Variants in EBF4 observed in about 807,000 individuals in gnomAD.
EBF4 encodes the protein EBF transcription factor 4.
In EBF4, 34 loss-of-function variants were observed where a neutral mutation model predicts 67.1. The ratio of observed to expected loss-of-function variants is 0.51; its 90% confidence interval spans 0.39 to 0.67. The LOEUF is 0.67. Among genes scored for constraint, EBF4 ranks in the 30% least tolerant of loss-of-function variants. The pLI is 0.00. For missense variants in EBF4, 837 were observed against 873.3 expected, an observed-to-expected ratio of 0.96 and a Z score of 0.52; for synonymous variants, 387 against 377.7, an observed-to-expected ratio of 1.02 and a Z score of -0.29.
intron 1 of EBF4, among the ~76,000 whole-genome samples, chr20:2,698,580 G>A (rs2087329945): frequency 6.6e-6 from 1 of 152,164 alleles, no homozygotes. Context: ...GGATGTAGAG[G>A]AAAGGGACTG....
At position 2,707,764 on chromosome 20, in the gene EBF4, T is replaced by C. The variant is rs1204329177; in HGVS notation, c.415-183T>C. Among the ~76,000 whole-genome samples the C allele has an allele frequency of 6.6e-6, 1 of 151,954 alleles. No individual in the cohort carries two copies. Among genetic ancestry groups the C allele is most frequent in the African/African-American group, 2.4e-5 (1 of 41,348 alleles). ...TACCATTCTTGCCAGCCGGTGGTGG[T>C]CCGGTTTGGGAGGAGGGGTTATCCC... On this transcript the variant is annotated intron_variant, in intron 4 of 16. Coordinates refer to ENST00000609451, the Ensembl canonical transcript of EBF4. This position sits in a 1 kb window ranked among gnomAD's most constrained non-coding sequence, Gnocchi z 4.6.
intron 6 of EBF4, among the ~76,000 whole-genome samples, chr20:2,725,885 T>A (rs1019587688): frequency 6.6e-6 from 1 of 152,234 alleles, no homozygotes; most frequent in South Asian, 2.1e-4. Context: ...CCCAATTAGA[T>A]TTCAACTCAC....
intron 6 of EBF4, among the ~76,000 whole-genome samples, chr20:2,711,388 T>G (rs2087543513): frequency 6.6e-6 from 1 of 152,190 alleles, no homozygotes; most frequent in Admixed American, 6.5e-5. Flanking sequence ...TTTCATCCCT[T>G]TTCAGGGATT....
At chr20:2,713,550 G>A (rs2087570680) in intron 6 of EBF4, among the ~76,000 whole-genome samples, 1 of 152,146 alleles carries the variant, frequency 6.6e-6, no homozygotes, top group African/African-American at 2.4e-5. Context: ...CATAAATTTG[G>A]TGATAACTTT....
intron 6 of EBF4, among the ~76,000 whole-genome samples, chr20:2,735,264 AG>A (rs1398722195): frequency 1.3e-5 from 2 of 152,186 alleles, no homozygotes; most frequent in East Asian, 3.8e-4. Flanking sequence ...GCTTGTTGAG[AG>A]GCTCCAAACC....
Position 2,755,590 on chromosome 20 carries a change from C to T in EBF4, c.1541-37C>T. The T allele has an allele frequency of 9.3e-7, 1 of 1,070,724 alleles. No individual in the cohort carries two copies. Among genetic ancestry groups the T allele is most frequent in the Non-Finnish European group, 1.4e-6 (1 of 714,532 alleles). 66.3% of individuals were successfully genotyped at this position (1,070,724 alleles called of 1,614,324 possible). A position where few individuals can be genotyped will look rare whatever the true frequency, so the allele number is the denominator to read the frequency against. ...TCCCTGTTGTGTCTCCCACCACCTT[C>T]CCTGCTGCGCCTGCCCCTCCCCGCC... On this transcript the variant is annotated intron_variant, in intron 14 of 16. Coordinates refer to ENST00000609451, the Ensembl canonical transcript of EBF4. The surrounding 1 kb of genome is among the most constrained non-coding windows in gnomAD (Gnocchi z 4.7).
Position 2,747,531 on chromosome 20 carries a change from C to T in EBF4, c.558-1018C>T, listed in dbSNP as rs1013523765. On this transcript the variant is annotated intron_variant, in intron 6 of 16. Coordinates refer to ENST00000609451, the Ensembl canonical transcript of EBF4. This position sits in a 1 kb window ranked among gnomAD's most constrained non-coding sequence, Gnocchi z 4.6. ...CTCTATGTAAAAAAGAAGACATTCA[C>T]GGTGTCTCTGTACCACATGTCTGAC... 6.6e-6 allele frequency among the ~76,000 whole-genome samples: 1 copy of T among 152,102 alleles called. No homozygotes were observed. The highest frequency in any genetic ancestry group is 1.5e-5 in the Non-Finnish European group (1 of 68,032).
chr20:2,755,715 T>C lies in EBF4; in HGVS notation c.1629T>C (p.Pro543=). The C allele has an allele frequency of 6.5e-7, 1 of 1,548,526 alleles. No individual in the cohort carries two copies. The highest frequency in any genetic ancestry group is 8.7e-7 in the Non-Finnish European group (1 of 1,146,162). Reference sequence around the variant, plus strand: ...CCACCAGCGTGTTCTCCTTCTCGCCTGTCAACATGATCTCCGCCGTCAAAC... The same window carrying C: ...CCACCAGCGTGTTCTCCTTCTCGCCCGTCAACATGATCTCCGCCGTCAAAC... Residue 543 remains proline, a synonymous_variant, in exon 15 of 17, where the codon CCT becomes CCC. Transcript: ENST00000609451. The surrounding 1 kb of genome is among the most constrained non-coding windows in gnomAD (Gnocchi z 4.7).
intron 6 of EBF4, among the ~76,000 whole-genome samples, chr20:2,712,446 G>A (rs1270200793): frequency 1.3e-5 from 2 of 152,170 alleles, no homozygotes; most frequent in African/African-American, 4.8e-5. Flanking sequence ...CAAGGTTTCT[G>A]ACCTATCAAC....
chr20:2,709,589 G>A (rs1485697049), exon 6 of EBF4: 2 of 1,556,966 alleles, frequency 1.3e-6, no homozygotes, highest in South Asian at 1.2e-5. Context: ...GCTGTGACCG[G>A]AAGAGCTGTG....
intron 6 of EBF4, among the ~76,000 whole-genome samples, chr20:2,728,035 T>A (rs1407093731): frequency 1.3e-5 from 2 of 152,228 alleles, no homozygotes; most frequent in African/African-American, 4.8e-5. Flanking sequence ...ATTAATTGTG[T>A]CACTTTTATT....
rs368410864 is a variant in EBF4, at chr20:2,735,716, G to A, written c.558-12833G>A. On this transcript the variant is annotated intron_variant, in intron 6 of 16. Transcript: ENST00000609451. ...TCATGAATCAATCAGCACCTGTTGT[G>A]GGGCTGGGACTATGATGGATGCTTG... 1.8e-3 allele frequency among the ~76,000 whole-genome samples: 271 copies of A among 152,258 alleles called. 5 individuals carry two copies. The South Asian group carries it at 0.025, about 14-fold the overall frequency.
chr20:2,740,312 C>CAA (rs145237186), intron 6 of EBF4, among the ~76,000 whole-genome samples: 2 of 149,064 alleles, frequency 1.3e-5, no homozygotes, highest in African/African-American at 2.5e-5. Flanking sequence ...GACTCCGTTT[C>CAA]AAAAAAAAAA....
chr20:2,738,843 AG>A (rs1324180342), intron 6 of EBF4, among the ~76,000 whole-genome samples: 2 of 152,252 alleles, frequency 1.3e-5, no homozygotes, highest in Non-Finnish European at 2.9e-5. Flanking sequence ...AAATGCATGC[AG>A]GGGAACAGAA....
At chr20:2,749,923 A>C (rs972572080) in exon 10 of EBF4, 1 of 1,551,288 alleles carries the variant, frequency 6.4e-7, no homozygotes, top group East Asian at 2.4e-5. Flanking sequence ...ACCCTCTCCT[A>C]CAAGTCCAAG....
exon 2 of EBF4, chr20:2,705,685 C>T (rs754374162): frequency 7.0e-5 from 109 of 1,551,476 alleles, no homozygotes; most frequent in Admixed American, 3.1e-4. Flanking sequence ...AGGGGCAGCC[C>T]GTGGAGGTGG....
intron 14 of EBF4, among the ~76,000 whole-genome samples, 180 bp downstream of exon 14, chr20:2,752,725 C>T (rs1466877632): frequency 6.6e-6 from 1 of 152,246 alleles, no homozygotes; most frequent in African/African-American, 2.4e-5. Context: ...AGAACCTCAA[C>T]CCCACCCCTA....
rs534835546 is a variant in EBF4 at position 2,739,894 on chromosome 20, A to G, written c.558-8655A>G. Among the ~76,000 whole-genome samples the G allele has an allele frequency of 2.0e-5, 3 of 152,348 alleles. No individual in the cohort carries two copies. In the South Asian group the frequency reaches 6.2e-4, roughly 32 times the overall value. On this transcript the variant is annotated intron_variant, in intron 6 of 16. Coordinates refer to ENST00000609451, the Ensembl canonical transcript of EBF4. This position sits in a 1 kb window ranked among gnomAD's most constrained non-coding sequence, Gnocchi z 4.5. Reference sequence around the variant, plus strand: ...ACCTGCTGTCTTTCCCAAGGCCTTCACAGGACACACTGTTGTTTGGAACAT... The same window carrying G: ...ACCTGCTGTCTTTCCCAAGGCCTTCGCAGGACACACTGTTGTTTGGAACAT...
In EBF4 at chr20:2,737,015, C is replaced by T. The variant is rs552384080; in HGVS notation, c.558-11534C>T. 3.9e-4 allele frequency among the ~76,000 whole-genome samples: 59 copies of T among 151,988 alleles called. No homozygotes were observed. The South Asian group carries it at 7.9e-3, about 20-fold the overall frequency. On this transcript the variant is annotated intron_variant, in intron 6 of 16. Transcript: ENST00000609451. ...TTGTAATCCCAGCACTTTGGGAGGC[C>T]AAGGTGGGCAGATCACAAGGTCAGG...
Sources: allele counts gnomAD v4.1 joint callset (sites outside exome capture counted in the v4.1 genomes callset), GRCh38; gene constraint gnomAD v4.1.1; non-coding constraint Gnocchi (gnomAD v3.1); transcripts MANE v1.5; gene names NCBI Gene and HGNC (gene_info 2026-07-23, HGNC 2026-07-21).